Variants in ANKRD45 observed in about 807,000 individuals in gnomAD.
The protein encoded by ANKRD45 is ankyrin repeat domain-containing protein 45.
A neutral mutation model predicts 28.1 loss-of-function variants in ANKRD45; 21 were observed. That is an observed-to-expected ratio of 0.75 (90% CI 0.53 to 1.08). The LOEUF is 1.08. Among genes scored for constraint, ANKRD45 ranks in the 50% least tolerant of loss-of-function variants. The pLI, the probability that ANKRD45 is intolerant of heterozygous loss-of-function variation, is 0.00. For missense variants in ANKRD45, 261 were observed against 308.7 expected, an observed-to-expected ratio of 0.85 and a Z score of 1.16; for synonymous variants, 86 against 103.9, an observed-to-expected ratio of 0.83 and a Z score of 1.05.
At chr1:173,649,564 T>C (rs1250985269) in intron 2 of ANKRD45, among the ~76,000 whole-genome samples, 1 of 152,188 alleles carries the variant, frequency 6.6e-6, no homozygotes, top group Non-Finnish European at 1.5e-5. Context: ...TGTTGATTAG[T>C]AGGCTGTCTT....
intron 2 of ANKRD45, among the ~76,000 whole-genome samples, chr1:173,650,929 T>C (rs1233218844): frequency 1.3e-5 from 2 of 152,218 alleles, no homozygotes; most frequent in Non-Finnish European, 2.9e-5. Context: ...CTTTGCCCAC[T>C]TTTTGATGGG....
the ANKRD45 span, among the ~76,000 whole-genome samples, chr1:173,696,413 A>G: frequency 6.6e-6 from 1 of 152,216 alleles, no homozygotes; most frequent in African/African-American, 2.4e-5. Context: ...TAGGTCTCAC[A>G]TTTAAGCCTT....
Position 173,619,010 on chromosome 1 carries a change from A to G in ANKRD45, c.730+5777T>C, listed in dbSNP as rs149444990. Reference sequence around the variant, plus strand: ...ACATTCTTAAAGAAAAGAATTTCCAACCCAGAATTTCATATCCAGCCAAAC... The same window carrying G: ...ACATTCTTAAAGAAAAGAATTTCCAGCCCAGAATTTCATATCCAGCCAAAC... On this transcript the variant is annotated intron_variant, in intron 5 of 5. Coordinates refer to ENST00000333279, the MANE Select transcript of ANKRD45 (RefSeq NM_198493.3). Among the ~76,000 whole-genome samples the G allele has an allele frequency of 3.0e-4, 46 of 152,332 alleles. 1 individual carries two copies. In the East Asian group the frequency reaches 8.5e-3, roughly 28 times the overall value.
the ANKRD45 span, among the ~76,000 whole-genome samples, chr1:173,681,164 T>A: frequency 6.6e-6 from 1 of 152,154 alleles, no homozygotes; most frequent in Non-Finnish European, 1.5e-5. Flanking sequence ...TGATAAAAGT[T>A]GAACTTTGGG....
chr1:173,696,861 A>G, the ANKRD45 span, among the ~76,000 whole-genome samples: 1 of 152,160 alleles, frequency 6.6e-6, no homozygotes, highest in Non-Finnish European at 1.5e-5. Flanking sequence ...GTAATAATAA[A>G]CTTCTCTAAG....
intron 5 of ANKRD45, among the ~76,000 whole-genome samples, chr1:173,619,167 C>T (rs184362991): frequency 5.9e-5 from 9 of 152,316 alleles, no homozygotes; most frequent in African/African-American, 2.2e-4. Flanking sequence ...AACCCATTAC[C>T]AGCCACTACA....
the ANKRD45 span, among the ~76,000 whole-genome samples, chr1:173,710,648 C>T: frequency 1.6e-4 from 25 of 152,282 alleles, no homozygotes; most frequent in African/African-American, 6.0e-4. Context: ...TAAACTCTGC[C>T]ATTTTGCCCT....
intron 5 of ANKRD45, among the ~76,000 whole-genome samples, chr1:173,613,610 G>A (rs1364477706): frequency 2.1e-5 from 3 of 141,694 alleles, no homozygotes; most frequent in Admixed American, 6.9e-5. Context: ...TGGGGGGTCA[G>A]CCCACGCCCG....
At chr1:173,691,150 C>T in the ANKRD45 span, among the ~76,000 whole-genome samples, 1 of 152,218 alleles carries the variant, frequency 6.6e-6, no homozygotes, top group Non-Finnish European at 1.5e-5. Flanking sequence ...TTACTGGCTC[C>T]CACGGCTTCT....
chr1:173,643,164 C>T (rs1277121510), intron 3 of ANKRD45, among the ~76,000 whole-genome samples: 1 of 149,152 alleles, frequency 6.7e-6, no homozygotes, highest in East Asian at 1.9e-4. Context: ...GTCTTATTTG[C>T]CTGAGAATTT....
the ANKRD45 span, among the ~76,000 whole-genome samples, chr1:173,685,444 C>T: frequency 6.6e-6 from 1 of 152,152 alleles, no homozygotes; most frequent in African/African-American, 2.4e-5. Flanking sequence ...TACCATAAAG[C>T]CCATGCCTGG....
chr1:173,632,127 T>C (rs1327318433), intron 3 of ANKRD45, among the ~76,000 whole-genome samples: 4 of 151,672 alleles, frequency 2.6e-5, no homozygotes, highest in African/African-American at 9.7e-5. Context: ...GCCCAAATTT[T>C]AAAAATCAGA....
At chr1:173,657,625 C>CTTTTTTTTTTTTTTTTTTTTTTTTTT (rs778299894) in intron 2 of ANKRD45, 4 of 70,690 alleles carry the variant, frequency 5.7e-5, no homozygotes, top group African/African-American at 9.5e-5. Flanking sequence ...TCTTCTTCTT[C>CTTTTTTTTTTTTTTTTTTTTTTTTTT]TTTTTTTTTT....
chr1:173,625,107 G>C (rs1667874527), intron 4 of ANKRD45, among the ~76,000 whole-genome samples, 182 bp from the exon 5 acceptor site: 1 of 151,826 alleles, frequency 6.6e-6, no homozygotes, highest in African/African-American at 2.4e-5. Flanking sequence ...ATGTGGCTAG[G>C]GTGACTAAGG....
chr1:173,691,743 C>T, the ANKRD45 span, among the ~76,000 whole-genome samples: 19 of 152,218 alleles, frequency 1.2e-4, no homozygotes, highest in African/African-American at 2.6e-4. Flanking sequence ...GCTGAGATCA[C>T]GCCACTGCAC....
At chr1:173,690,741 G>A in the ANKRD45 span, among the ~76,000 whole-genome samples, 1 of 152,198 alleles carries the variant, frequency 6.6e-6, no homozygotes, top group Non-Finnish European at 1.5e-5. Flanking sequence ...GGGCTATACA[G>A]TGGAATATCT....
intron 1 of ANKRD45, among the ~76,000 whole-genome samples, chr1:173,668,928 G>A (rs962743225): frequency 6.6e-6 from 1 of 152,216 alleles, no homozygotes; most frequent in African/African-American, 2.4e-5. Context: ...TACTAATTAT[G>A]TGACTTTTCT....
chr1:173,665,820 G>A (rs1182941043), intron 1 of ANKRD45, among the ~76,000 whole-genome samples: 3 of 151,838 alleles, frequency 2.0e-5, no homozygotes, highest in Non-Finnish European at 4.4e-5. Context: ...ACCAGCTTGG[G>A]CAACACAGCG....
chr1:173,696,573 A>G, the ANKRD45 span, among the ~76,000 whole-genome samples: 1 of 152,162 alleles, frequency 6.6e-6, no homozygotes, highest in African/African-American at 2.4e-5. Flanking sequence ...GTCAAAGATC[A>G]GGTGGTTGTA....
Sources: allele counts gnomAD v4.1 joint callset (sites outside exome capture counted in the v4.1 genomes callset), GRCh38; gene constraint gnomAD v4.1.1; transcripts MANE v1.5; gene names NCBI Gene and HGNC (gene_info 2026-07-23, HGNC 2026-07-21).